Variants in NBPF11 observed in about 807,000 individuals in gnomAD.
NBPF11 encodes NBPF family member NBPF11.
A neutral mutation model predicts 93.9 loss-of-function variants in NBPF11; 72 were observed. That is an observed-to-expected ratio of 0.77 (90% CI 0.63 to 0.93). The LOEUF (loss-of-function observed/expected upper bound fraction) is 0.93. Ranked by LOEUF, NBPF11 falls within the 40% of genes least tolerant of loss-of-function variation. The pLI is 0.00. For synonymous variants in NBPF11, 224 were observed against 304.9 expected, an observed-to-expected ratio of 0.73 and a Z score of 2.76; for missense variants, 705 against 802.2, an observed-to-expected ratio of 0.88 and a Z score of 1.46.
chr1:148,112,969 G>A (rs1228030883), intron 15 of NBPF11, among the ~76,000 whole-genome samples: 1,784 of 151,878 alleles, frequency 0.012, 56 homozygotes, highest in African/African-American at 0.042. Flanking sequence ...CCTAAAGGAA[G>A]CACTAAACAT....
At chr1:148,135,550 A>G (rs1236589789) in intron 4 of NBPF11, 122 bp downstream of exon 4, 1 of 492,308 alleles carries the variant, frequency 2.0e-6, no homozygotes, top group African/African-American at 2.0e-5. Context: ...ATTTAAAGTG[A>G]TATGAAGAAA....
chr1:148,146,712 C>T, intron 1 of NBPF11: 2 of 1,612,002 alleles, frequency 1.2e-6, no homozygotes, highest in Non-Finnish European at 1.7e-6. Context: ...ATGTTCGCTG[C>T]GTGCCTGGTG....
At chr1:148,146,413 A>G in intron 1 of NBPF11, 1 of 1,602,390 alleles carries the variant, frequency 6.2e-7, no homozygotes. Context: ...GCTGTCGCTG[A>G]GTGAGCTCTG....
At chr1:148,127,991 ATTTG>A (rs1269872545) in intron 4 of NBPF11, among the ~76,000 whole-genome samples, 181 of 150,974 alleles carry the variant, frequency 1.2e-3, no homozygotes, top group African/African-American at 4.2e-3. Flanking sequence ...TATGCCACTA[ATTTG>A]TTTGATTGTG....
At chr1:148,112,122 T>C (rs2149197256) in intron 15 of NBPF11, among the ~76,000 whole-genome samples, 1 of 138,334 alleles carries the variant, frequency 7.2e-6, no homozygotes, top group South Asian at 2.2e-4. Flanking sequence ...TCCATATGTA[T>C]AGTTTTCCTT....
intron 2 of NBPF11, among the ~76,000 whole-genome samples, chr1:148,141,890 A>G (rs1272231188): frequency 1.3e-5 from 2 of 151,804 alleles, no homozygotes; most frequent in Non-Finnish European, 2.9e-5. Flanking sequence ...AGCAATGTAG[A>G]TTTCAGTGCA....
intron 10 of NBPF11, among the ~76,000 whole-genome samples, chr1:148,119,562 G>A (rs1237041656): frequency 8.6e-5 from 13 of 151,872 alleles, no homozygotes; most frequent in East Asian, 2.0e-4. Context: ...TCTCGGGTGC[G>A]ATCTTTCTTC....
rs1171013397 is a variant in NBPF11, at chr1:148,111,086, C to T, written c.1638-545G>A. ...ATTTAAACACATGGGAGAGAATAGG[C>T]GACACCAAGAAATCTCTGTTTGAGG... On this transcript the variant is annotated intron_variant, in intron 15 of 23. Transcript: ENST00000682118. Among the ~76,000 whole-genome samples the T allele has an allele frequency of 3.7e-3, 560 of 151,350 alleles. 13 individuals are homozygous for T. Among genetic ancestry groups the T allele is most frequent in the Non-Finnish European group, 8.1e-4 (55 of 67,922 alleles).
intron 1 of NBPF11, chr1:148,149,627 G>A (rs1393181043): frequency 5.0e-5 from 75 of 1,490,050 alleles, no homozygotes; most frequent in Non-Finnish European, 6.2e-5. Context: ...ACCCCGCGCC[G>A]GCCCCCACCC....
chr1:148,149,107 G>C, intron 1 of NBPF11: 2 of 1,517,068 alleles, frequency 1.3e-6, no homozygotes, highest in Non-Finnish European at 1.8e-6. Context: ...CCCGCTGGTG[G>C]GAAGGGTGCG....
chr1:148,131,293 C>A (rs1484490158), intron 4 of NBPF11, among the ~76,000 whole-genome samples: 3 of 151,324 alleles, frequency 2.0e-5, no homozygotes, highest in Admixed American at 2.0e-4. Context: ...TTAACAGGAG[C>A]CATTTAGTAT....
intron 11 of NBPF11, among the ~76,000 whole-genome samples, 191 bp from the exon 12 acceptor site, chr1:148,117,977 A>G (rs1463698589): frequency 6.6e-6 from 1 of 151,516 alleles, no homozygotes; most frequent in Non-Finnish European, 1.5e-5. Context: ...TGTATCAGAG[A>G]GGGCTCCTGC....
chr1:148,112,164 A>T (rs1219195572), intron 15 of NBPF11, among the ~76,000 whole-genome samples: 10 of 145,020 alleles, frequency 6.9e-5, no homozygotes, highest in Middle Eastern at 3.5e-3. Context: ...ATATATATAT[A>T]TTTTAATACT....
At chr1:148,106,297 T>G in intron 20 of NBPF11, 65 bp from the exon 21 acceptor site, 1 of 642,746 alleles carries the variant, frequency 1.6e-6, no homozygotes, top group African/African-American at 1.9e-5. Flanking sequence ...AACAGTCCAC[T>G]GTCTAATCCC....
intron 5 of NBPF11, 118 bp downstream of exon 5, chr1:148,126,711 T>A: frequency 1.5e-6 from 1 of 650,838 alleles, no homozygotes; most frequent in Non-Finnish European, 2.7e-6. Flanking sequence ...TAACAAAATG[T>A]TAAAATACCC....
At chr1:148,142,412 C>T (rs1325724818) in intron 2 of NBPF11, among the ~76,000 whole-genome samples, 7 of 151,714 alleles carry the variant, frequency 4.6e-5, no homozygotes, top group Admixed American at 3.3e-4. Flanking sequence ...AGTTCTGGTG[C>T]CCCAAAGAAT....
At chr1:148,116,783 C>T (rs1211515956) in intron 12 of NBPF11, among the ~76,000 whole-genome samples, 3 of 152,082 alleles carry the variant, frequency 2.0e-5, no homozygotes, top group African/African-American at 4.8e-5. Context: ...TCCCATATCA[C>T]TGGAGGCTTG....
rs1186365024 is a variant in NBPF11, at chr1:148,131,154, T to C, written c.-35-4116A>G. On this transcript the variant is annotated intron_variant, in intron 4 of 23. Coordinates refer to ENST00000682118, the MANE Select transcript of NBPF11 (RefSeq NM_001385469.3). Reference sequence around the variant, plus strand: ...GCGACTGAGTGGTTCAATTAAATATTAAGAGGAAAAAAAAAAAAAAAAGAA... The same window carrying C: ...GCGACTGAGTGGTTCAATTAAATATCAAGAGGAAAAAAAAAAAAAAAAGAA... 9.2e-5 allele frequency among the ~76,000 whole-genome samples: 13 copies of C among 141,704 alleles called. No individual in the cohort carries two copies. The East Asian group carries it at 2.4e-3, about 26-fold the overall frequency. 93.0% of individuals were successfully genotyped at this position (141,704 alleles called of 152,430 possible).
chr1:148,140,330 A>G (rs1400968198), intron 2 of NBPF11, among the ~76,000 whole-genome samples: 1 of 151,940 alleles, frequency 6.6e-6, no homozygotes, highest in African/African-American at 2.4e-5. Flanking sequence ...AGGAGATAAC[A>G]TAGGAGAAAA....
Sources: allele counts gnomAD v4.1 joint callset (sites outside exome capture counted in the v4.1 genomes callset), GRCh38; gene constraint gnomAD v4.1.1; transcripts MANE v1.5; gene names NCBI Gene and HGNC (gene_info 2026-07-23, HGNC 2026-07-21).